Variants in CSMD1 observed in about 807,000 individuals in gnomAD.
CSMD1 encodes the protein CUB and Sushi multiple domains 1.
A neutral mutation model predicts 417.5 loss-of-function variants in CSMD1; 213 were observed. The observed-to-expected ratio is 0.51, with a 90% CI of 0.46 to 0.57. The LOEUF is 0.57. CSMD1 is among the 20% of genes least tolerant of loss of function. The pLI, the probability that CSMD1 is intolerant of heterozygous loss-of-function variation, is 0.00. For missense variants in CSMD1, 6,923 were observed against 4,529.7 expected (o/e 1.53, Z -15.17); for synonymous variants, 2,862 against 1,736.8 (o/e 1.65, Z -16.11).
intron 23 of CSMD1, among the ~76,000 whole-genome samples, chr8:3,341,907 G>T (rs1807682041): frequency 6.6e-6 from 1 of 152,128 alleles, no homozygotes; most frequent in Non-Finnish European, 1.5e-5. Flanking sequence ...CATCTCGACA[G>T]GGACGAGAAG....
chr8:3,212,452 G>T (rs913741044), intron 30 of CSMD1, among the ~76,000 whole-genome samples: 1 of 152,042 alleles, frequency 6.6e-6, no homozygotes, highest in African/African-American at 2.4e-5. Context: ...AGGCTCCAGC[G>T]ATCCTCCTAC....
intron 1 of CSMD1, among the ~76,000 whole-genome samples, chr8:4,894,170 T>C (rs79210225): frequency 6.6e-6 from 1 of 152,110 alleles, no homozygotes; most frequent in Non-Finnish European, 1.5e-5. Flanking sequence ...AGTTTTTATG[T>C]TATTAGCTCT....
At chr8:4,646,700 C>A (rs1249836926) in intron 1 of CSMD1, among the ~76,000 whole-genome samples, 1 of 152,090 alleles carries the variant, frequency 6.6e-6, no homozygotes, top group Non-Finnish European at 1.5e-5. Context: ...TATTTTAATG[C>A]TTAGTAGAGT....
rs1214609216 is a variant in CSMD1, at chr8:4,486,172, T to TAC, written c.303-66108_303-66107insGT. On this transcript the variant is annotated intron_variant, in intron 2 of 69. Transcript: ENST00000635120. ...ATATATATATACATACATATATATATATACATACATATATATATATATATA... is the reference window on the plus strand; with the variant it reads ...ATATATATATACATACATATATATATACATACATACATATATATATATATATA... Among the ~76,000 whole-genome samples, 16 of 10,572 alleles carry TAC rather than the reference T, an allele frequency of 1.5e-3. No individual in the cohort carries two copies. The East Asian group carries it at 0.016, about 11-fold the overall frequency. The allele number at this position is 10,572 out of a possible 152,430, so 6.9% of individuals were successfully genotyped here. A position where few individuals can be genotyped will look rare whatever the true frequency, so the allele number is the denominator to read the frequency against.
At chr8:3,701,264 G>C (rs963249604) in intron 7 of CSMD1, among the ~76,000 whole-genome samples, 3 of 152,058 alleles carry the variant, frequency 2.0e-5, no homozygotes, top group Admixed American at 6.6e-5. Context: ...GGATCATCTC[G>C]GGACAACTTT....
chr8:4,890,660 G>A (rs1335897921), intron 1 of CSMD1, among the ~76,000 whole-genome samples: 1 of 152,124 alleles, frequency 6.6e-6, no homozygotes, highest in African/African-American at 2.4e-5. Context: ...GGACAGATGA[G>A]AGCGTGTGAC....
chr8:4,059,071 A>G (rs972274669), intron 3 of CSMD1, among the ~76,000 whole-genome samples: 6 of 152,204 alleles, frequency 3.9e-5, no homozygotes, highest in African/African-American at 1.2e-4. Flanking sequence ...ATGTAAAAGA[A>G]CAGAAATTAT....
intron 2 of CSMD1, among the ~76,000 whole-genome samples, chr8:4,464,847 T>C (rs938470409): frequency 1.3e-5 from 2 of 152,156 alleles, no homozygotes; most frequent in African/African-American, 4.8e-5. Context: ...ATGATCCCAA[T>C]TTACCCTGCT....
At chr8:3,001,768 T>C (rs1807423216) in intron 52 of CSMD1, among the ~76,000 whole-genome samples, 2 of 152,162 alleles carry the variant, frequency 1.3e-5, no homozygotes, top group South Asian at 4.1e-4. Flanking sequence ...GGCGGAGACT[T>C]TCCCTGCCCA....
chr8:2,999,405 C>T (rs764356400), intron 53 of CSMD1, among the ~76,000 whole-genome samples: 133 of 152,300 alleles, frequency 8.7e-4, no homozygotes, highest in African/African-American at 3.0e-3. Context: ...CCACCTGCCT[C>T]AGCCTCCCAA....
At chr8:3,212,845 T>G (rs1167246956) in intron 30 of CSMD1, among the ~76,000 whole-genome samples, 1 of 151,294 alleles carries the variant, frequency 6.6e-6, no homozygotes, top group African/African-American at 2.4e-5. Flanking sequence ...TTTTTTTTTT[T>G]TGAGAGAGAG....
chr8:3,496,907 A>G (rs1796388213), intron 10 of CSMD1, among the ~76,000 whole-genome samples: 1 of 152,224 alleles, frequency 6.6e-6, no homozygotes, highest in African/African-American at 2.4e-5. Flanking sequence ...GACCCATTGG[A>G]CACTCAGGAA....
At chr8:3,788,308 G>C (rs1461954531) in intron 5 of CSMD1, among the ~76,000 whole-genome samples, 25 of 152,130 alleles carry the variant, frequency 1.6e-4, no homozygotes, top group Admixed American at 1.6e-3. Flanking sequence ...TTAGTAAAAT[G>C]CATAATAAAT....
chr8:4,260,894 A>G (rs1447208646), intron 3 of CSMD1, among the ~76,000 whole-genome samples: 2 of 152,274 alleles, frequency 1.3e-5, no homozygotes, highest in African/African-American at 2.4e-5. Flanking sequence ...GTTTGATATT[A>G]TGATAGGAAC....
intron 1 of CSMD1, among the ~76,000 whole-genome samples, chr8:4,664,146 T>C (rs748586090): frequency 1.3e-5 from 2 of 152,150 alleles, no homozygotes; most frequent in Non-Finnish European, 2.9e-5. Flanking sequence ...CACCAGCTGG[T>C]AAAGAGAGAG....
At chr8:4,950,312 C>T (rs979878494) in intron 1 of CSMD1, among the ~76,000 whole-genome samples, 2 of 152,062 alleles carry the variant, frequency 1.3e-5, no homozygotes, top group Non-Finnish European at 2.9e-5. Flanking sequence ...AAATGATTTT[C>T]TCAAGTGACA....
intron 3 of CSMD1, among the ~76,000 whole-genome samples, chr8:4,366,133 C>G (rs1366247826): frequency 6.6e-6 from 1 of 152,126 alleles, no homozygotes; most frequent in African/African-American, 2.4e-5. Flanking sequence ...CTTTGTGTCA[C>G]TGTCTTCAGT....
intron 5 of CSMD1, among the ~76,000 whole-genome samples, chr8:3,950,979 T>A (rs986540691): frequency 6.6e-6 from 1 of 152,182 alleles, no homozygotes; most frequent in Non-Finnish European, 1.5e-5. Context: ...ACATAACAGT[T>A]ACAGTAAAAG....
At chr8:3,476,668 G>C (rs1442833304) in intron 11 of CSMD1, among the ~76,000 whole-genome samples, 1 of 152,040 alleles carries the variant, frequency 6.6e-6, no homozygotes. Context: ...TGTAATGCCA[G>C]CACTTTTTTG....
Sources: gnomAD v4.1 joint callset for allele counts (sites outside exome capture counted in the v4.1 genomes callset) on GRCh38, gnomAD v4.1.1 for gene constraint, MANE v1.5 for transcripts, NCBI Gene and HGNC (gene_info 2026-07-23, HGNC 2026-07-21) for gene names.